The following HPSE2 variants were observed in gnomAD, a reference collection of about 807,000 sequenced individuals.
The protein encoded by HPSE2 is heparanase 2 (inactive), also known as inactive heparanase-2.
HPSE2 carries 38 observed loss-of-function variants against 60.5 expected under a neutral mutation model. The observed-to-expected ratio is 0.63, with a 90% CI of 0.48 to 0.82. The LOEUF is 0.82. HPSE2 is among the 40% of genes least tolerant of loss of function. The pLI is 0.00. For missense variants in HPSE2, 713 were observed against 740.4 expected, an observed-to-expected ratio of 0.96 and a Z score of 0.43; for synonymous variants, 295 against 293.2, an observed-to-expected ratio of 1.01 and a Z score of -0.06.
chr10:98,864,974 C>G (rs1014173918), intron 3 of HPSE2, among the ~76,000 whole-genome samples: 2 of 152,086 alleles, frequency 1.3e-5, no homozygotes, highest in Non-Finnish European at 2.9e-5. Flanking sequence ...TTGGGTAATT[C>G]TAGCAGGCAG....
intron 3 of HPSE2, among the ~76,000 whole-genome samples, chr10:98,899,244 A>G (rs373092716): frequency 2.0e-5 from 3 of 152,222 alleles, no homozygotes; most frequent in African/African-American, 7.2e-5. Flanking sequence ...AACAGGCAGC[A>G]GGCCAGATTT....
chr10:99,007,011 G>A (rs929856479), intron 3 of HPSE2, among the ~76,000 whole-genome samples: 15 of 152,150 alleles, frequency 9.9e-5, no homozygotes, highest in African/African-American at 3.4e-4. Flanking sequence ...TGTGTCCACA[G>A]GTATTGGCCT....
chr10:98,958,577 C>A (rs943563311), intron 3 of HPSE2, among the ~76,000 whole-genome samples: 5 of 151,908 alleles, frequency 3.3e-5, no homozygotes, highest in Admixed American at 2.0e-4. Context: ...AAGAGACAGG[C>A]AGTATTATTA....
intron 3 of HPSE2, among the ~76,000 whole-genome samples, chr10:99,089,237 A>G (rs1288155159): frequency 6.6e-6 from 1 of 151,872 alleles, no homozygotes; most frequent in African/African-American, 2.4e-5. Context: ...TTGGTCATAA[A>G]CTCTTTGCAT....
At chr10:98,685,855 G>C (rs1947902418) in intron 6 of HPSE2, among the ~76,000 whole-genome samples, 1 of 152,062 alleles carries the variant, frequency 6.6e-6, no homozygotes, top group Non-Finnish European at 1.5e-5. Flanking sequence ...GATATTGCAG[G>C]ATTTTAAGAA....
chr10:98,729,997 C>T (rs1305832962), intron 4 of HPSE2, among the ~76,000 whole-genome samples: 1 of 152,134 alleles, frequency 6.6e-6, no homozygotes, highest in Non-Finnish European at 1.5e-5. Flanking sequence ...GCTAACTTTA[C>T]CTAATTGCCA....
chr10:98,974,844 A>G (rs772485442), intron 3 of HPSE2, among the ~76,000 whole-genome samples: 1 of 152,200 alleles, frequency 6.6e-6, no homozygotes, highest in Non-Finnish European at 1.5e-5. Context: ...GATTGTATGT[A>G]GCGGTACTAA....
At chr10:98,829,197 C>T (rs1951623793) in intron 3 of HPSE2, among the ~76,000 whole-genome samples, 1 of 151,998 alleles carries the variant, frequency 6.6e-6, no homozygotes, top group Non-Finnish European at 1.5e-5. Context: ...AGAATGGGGC[C>T]TTATTGTTTA....
At chr10:98,883,334 G>T (rs1290401204) in intron 3 of HPSE2, among the ~76,000 whole-genome samples, 1 of 152,138 alleles carries the variant, frequency 6.6e-6, no homozygotes, top group African/African-American at 2.4e-5. Context: ...AATATGGTTA[G>T]CTTGAAAGAT....
chr10:98,711,484 A>G (rs1237534017), intron 5 of HPSE2, among the ~76,000 whole-genome samples: 1 of 152,138 alleles, frequency 6.6e-6, no homozygotes, highest in Non-Finnish European at 1.5e-5. Flanking sequence ...GAATAGCAAG[A>G]GCATGGGCCC....
intron 3 of HPSE2, among the ~76,000 whole-genome samples, chr10:98,928,988 T>TAATAAATA (rs75302353): frequency 0.02 from 2,634 of 130,922 alleles, 351 homozygotes; most frequent in African/African-American, 0.044. Context: ...TAAAGTATAA[T>TAATAAATA]AATAAATAAA....
At chr10:99,027,241 G>A (rs1589538973) in intron 3 of HPSE2, among the ~76,000 whole-genome samples, 1 of 150,392 alleles carries the variant, frequency 6.6e-6, no homozygotes. Context: ...CAAAAAAGGA[G>A]AGAAGATCCA....
chr10:99,118,523 CAAA>C (rs34901531), intron 3 of HPSE2, among the ~76,000 whole-genome samples: 1 of 102,290 alleles, frequency 9.8e-6, no homozygotes. Flanking sequence ...ACTCCTTCTC[CAAA>C]AAAAAAAAAA....
chr10:98,970,451 C>G (rs149012811), intron 3 of HPSE2, among the ~76,000 whole-genome samples: 8 of 152,072 alleles, frequency 5.3e-5, no homozygotes, highest in South Asian at 2.1e-4. Flanking sequence ...ATATTCAAAC[C>G]GTATCAGGTC....
intron 2 of HPSE2, among the ~76,000 whole-genome samples, chr10:99,216,089 T>C (rs1437378502): frequency 6.6e-6 from 1 of 152,110 alleles, no homozygotes; most frequent in Non-Finnish European, 1.5e-5. Context: ...TGCATGTAAT[T>C]GATGAGAATA....
the HPSE2 span, among the ~76,000 whole-genome samples, chr10:99,305,971 G>GCACACACACACACACACACACACA: frequency 4.8e-5 from 2 of 41,968 alleles, no homozygotes; most frequent in Non-Finnish European, 9.6e-5. Context: ...ACGCGCGCGC[G>GCACACACACACACACACACACACA]CGCGCGCGCA....
At chr10:98,482,578 C>T (rs989775850) in intron 11 of HPSE2, 58 bp downstream of exon 11, 41 of 1,606,558 alleles carry the variant, frequency 2.6e-5, no homozygotes, top group Admixed American at 5.0e-5. Flanking sequence ...TCTTCAGCCT[C>T]CCCCTCCCTC....
At chr10:98,984,963 C>A (rs1291156855) in intron 3 of HPSE2, among the ~76,000 whole-genome samples, 4 of 152,136 alleles carry the variant, frequency 2.6e-5, no homozygotes, top group African/African-American at 9.7e-5. Context: ...AAGATACAGA[C>A]AAAGCCTCCA....
intron 3 of HPSE2, among the ~76,000 whole-genome samples, chr10:98,900,400 A>G (rs1953632419): frequency 6.6e-6 from 1 of 152,216 alleles, no homozygotes. Context: ...AATCAGTGTT[A>G]CCTGGGACAA....
Sources: allele counts gnomAD v4.1 joint callset (sites outside exome capture counted in the v4.1 genomes callset), GRCh38; gene constraint gnomAD v4.1.1; transcripts MANE v1.5; gene names NCBI Gene and HGNC (gene_info 2026-07-23, HGNC 2026-07-21).